EGLN1: variants seen among roughly 807,000 people sequenced by gnomAD.
The protein encoded by EGLN1 is egl-9 family hypoxia inducible factor 1.
Under a neutral mutation model 38.3 loss-of-function variants are expected in EGLN1, and 17 were observed. The observed-to-expected ratio is 0.44, with a 90% CI of 0.30 to 0.67. The LOEUF is 0.67. Ranked by LOEUF, EGLN1 falls within the 30% of genes least tolerant of loss-of-function variation. The pLI is 0.08. For missense variants in EGLN1, 477 were observed against 603.3 expected, an observed-to-expected ratio of 0.79 and a Z score of 2.19; for synonymous variants, 283 against 257.5, an observed-to-expected ratio of 1.10 and a Z score of -0.95.
intron 2 of EGLN1, 108 bp downstream of exon 2, chr1:231,373,871 GA>G: frequency 7.4e-7 from 1 of 1,349,436 alleles, no homozygotes. Flanking sequence ...AATTTAAGAG[GA>G]AAATTTTTAA....
intron 1 of EGLN1, among the ~76,000 whole-genome samples, chr1:231,410,787 A>G (rs962201528): frequency 4.1e-5 from 6 of 147,866 alleles, no homozygotes; most frequent in African/African-American, 1.5e-4. Flanking sequence ...GTAAATGGGT[A>G]GCCAAAGATT....
intron 1 of EGLN1, among the ~76,000 whole-genome samples, chr1:231,420,726 G>C (rs754705920): frequency 8.5e-5 from 13 of 152,170 alleles, no homozygotes; most frequent in Admixed American, 3.3e-4. Context: ...AAATAGGAAA[G>C]TTAAAGCGCC....
intron 1 of EGLN1, among the ~76,000 whole-genome samples, chr1:231,390,256 C>T (rs997779347): frequency 5.9e-5 from 9 of 152,194 alleles, no homozygotes; most frequent in South Asian, 2.1e-4. Flanking sequence ...GCCTTCAGCG[C>T]TGTTTCCTCA....
At chr1:231,402,537 C>T (rs1047718435) in intron 1 of EGLN1, among the ~76,000 whole-genome samples, 2 of 151,674 alleles carry the variant, frequency 1.3e-5, no homozygotes, top group Non-Finnish European at 2.9e-5. Context: ...CAGGTTCAAG[C>T]CATTCTCCTG....
intron 1 of EGLN1, among the ~76,000 whole-genome samples, chr1:231,379,788 C>T (rs984812564): frequency 6.6e-6 from 1 of 152,200 alleles, no homozygotes; most frequent in Non-Finnish European, 1.5e-5. Context: ...TGGCCTCGGC[C>T]AGGAATTGAT....
intron 1 of EGLN1, among the ~76,000 whole-genome samples, chr1:231,411,936 T>C (rs1252745969): frequency 1.5e-5 from 2 of 136,238 alleles, no homozygotes; most frequent in Non-Finnish European, 3.0e-5. Context: ...AAGGCAGAGG[T>C]TGCAGGCAGA....
Position 231,421,392 on chromosome 1 carries a change from C to T in EGLN1, c.497G>A (p.Ser166Asn). The T allele has an allele frequency of 1.9e-6, 3 of 1,605,224 alleles. No individual in the cohort carries two copies. The highest frequency in any genetic ancestry group is 1.7e-6 in the Non-Finnish European group (2 of 1,175,126). ...GCTCAGCGCATCCCCGGGCGTGTTGCTTGGGGGGTACAGGTTCGCCTTCTC... is the reference window on the plus strand; with the variant it reads ...GCTCAGCGCATCCCCGGGCGTGTTGTTTGGGGGGTACAGGTTCGCCTTCTC... ...FQEKANLYPP[S>N]NTPGDALSPG... Residue 166 changes from serine (S) to asparagine (N), a missense_variant, in exon 1 of 5, where the codon AGC (serine) becomes AAC (asparagine). Physicochemically the swap from Ser to Asn is conservative, Grantham distance 46. Transcript: ENST00000366641. This position sits in a 1 kb window ranked among gnomAD's most constrained non-coding sequence, Gnocchi z 5.5.
chr1:231,393,559 C>A (rs1245928508), intron 1 of EGLN1, among the ~76,000 whole-genome samples: 1 of 152,184 alleles, frequency 6.6e-6, no homozygotes, highest in Admixed American at 6.5e-5. Context: ...ATAAACTGCT[C>A]AGTCTTCTTC....
intron 1 of EGLN1, among the ~76,000 whole-genome samples, chr1:231,408,228 G>T (rs568441608): frequency 6.6e-6 from 1 of 152,310 alleles, no homozygotes; most frequent in East Asian, 1.9e-4. Flanking sequence ...ATCCTAAAGG[G>T]TGTAGAAGAT....
chr1:231,376,059 A>G (rs1051731256), intron 1 of EGLN1, among the ~76,000 whole-genome samples: 2 of 152,212 alleles, frequency 1.3e-5, no homozygotes, highest in Admixed American at 1.3e-4. Flanking sequence ...AACATCGACT[A>G]TGTATATGAA....
chr1:231,409,440 A>T (rs1473271243), intron 1 of EGLN1, among the ~76,000 whole-genome samples: 1 of 152,124 alleles, frequency 6.6e-6, no homozygotes, highest in African/African-American at 2.4e-5. Context: ...GCACTGTGGT[A>T]CCTTCAGTGC....
chr1:231,375,210 C>T (rs1687930055), intron 1 of EGLN1, among the ~76,000 whole-genome samples: 1 of 152,128 alleles, frequency 6.6e-6, no homozygotes. Context: ...TGCATGCTGC[C>T]AGGCCCGGCT....
chr1:231,368,034 A>C (rs1687702516), intron 3 of EGLN1, among the ~76,000 whole-genome samples: 1 of 152,180 alleles, frequency 6.6e-6, no homozygotes, highest in South Asian at 2.1e-4. Context: ...AAAAGAAAAA[A>C]AAAATTAGCC....
In EGLN1 at chr1:231,420,908, G is replaced by C. The variant is rs986572887; in HGVS notation, c.891+90C>G. On this transcript the variant is annotated intron_variant, in intron 1 of 4. Coordinates refer to ENST00000366641, the MANE Select transcript of EGLN1 (RefSeq NM_022051.3). ...GCGAGTCCCTTCTATATAGAGGAAT[G>C]CTGCTTCTCAGCCTAGGCAGTTTCA... The C allele has an allele frequency of 1.9e-6, 3 of 1,610,662 alleles. No individual in the cohort carries two copies. The African/African-American group carries it at 4.0e-5, about 22-fold the overall frequency.
At chr1:231,387,840 T>G (rs1281673205) in intron 1 of EGLN1, among the ~76,000 whole-genome samples, 1 of 152,192 alleles carries the variant, frequency 6.6e-6, no homozygotes, top group African/African-American at 2.4e-5. Flanking sequence ...AAATGCTTGT[T>G]CCCACCACCC....
intron 1 of EGLN1, among the ~76,000 whole-genome samples, chr1:231,383,806 T>C (rs1404620927): frequency 6.6e-6 from 1 of 151,986 alleles, no homozygotes; most frequent in Non-Finnish European, 1.5e-5. Flanking sequence ...TGATGATTCT[T>C]ATGCCCTCTG....
At chr1:231,375,372 T>G (rs556624063) in intron 1 of EGLN1, among the ~76,000 whole-genome samples, 1 of 152,342 alleles carries the variant, frequency 6.6e-6, no homozygotes, top group Non-Finnish European at 1.5e-5. Flanking sequence ...TATGAGCTAT[T>G]CTTGAAGTCC....
chr1:231,384,852 C>G (rs767391472), intron 1 of EGLN1, among the ~76,000 whole-genome samples: 6 of 152,224 alleles, frequency 3.9e-5, no homozygotes, highest in Admixed American at 1.3e-4. Flanking sequence ...TGTGCCCCAA[C>G]TCCGGTCTAG....
intron 1 of EGLN1, among the ~76,000 whole-genome samples, chr1:231,386,833 A>G (rs950547980): frequency 1.3e-5 from 2 of 152,226 alleles, no homozygotes; most frequent in African/African-American, 4.8e-5. Context: ...CTAAAGATTG[A>G]TAGAAGTACT....
Sources: gnomAD v4.1 joint callset for allele counts (sites outside exome capture counted in the v4.1 genomes callset) on GRCh38, gnomAD v4.1.1 for gene constraint, Gnocchi (gnomAD v3.1) non-coding constraint, MANE v1.5 for transcripts, NCBI Gene and HGNC (gene_info 2026-07-23, HGNC 2026-07-21) for gene names.